The following SIDT1 variants were observed in gnomAD, a reference collection of about 807,000 sequenced individuals.
SIDT1 encodes SID1 transmembrane family member 1, also known as SID1 transmembrane family, member 1.
In SIDT1, 101 loss-of-function variants were observed where a neutral mutation model predicts 107.5. The observed-to-expected ratio is 0.94, with a 90% confidence interval of 0.80 to 1.11. SIDT1 has a LOEUF of 1.11. Ranked by LOEUF, SIDT1 falls within the 50% of genes least tolerant of loss-of-function variation. SIDT1 has a pLI of 0.00. For missense variants in SIDT1, 1,076 were observed against 1,058.2 expected (o/e 1.02, Z -0.23); for synonymous variants, 395 against 398.2 (o/e 0.99, Z 0.10).
At chr3:113,636,489 T>A in the SIDT1 span, among the ~76,000 whole-genome samples, 1 of 152,192 alleles carries the variant, frequency 6.6e-6, no homozygotes, top group Non-Finnish European at 1.5e-5. Context: ...GGATATAACC[T>A]AATTAAACCA....
Position 113,576,547 on chromosome 3 carries a change from T to A in SIDT1, c.516-375T>A, listed in dbSNP as rs149920585. ...ATCCAAAAGGACCTTGAACCTGGGT[T>A]TCCCCTCTCTTTCAGCCCACTTCTG... On this transcript the variant is annotated intron_variant, in intron 3 of 24. Transcript: ENST00000264852. 8.7e-3 allele frequency among the ~76,000 whole-genome samples: 1,322 copies of A among 152,296 alleles called. 97 individuals are homozygous for A. Among genetic ancestry groups the A allele is most frequent in the Admixed American group, 0.081 (1,240 of 15,300 alleles).
At chr3:113,564,542 G>C (rs900936226) in intron 1 of SIDT1, among the ~76,000 whole-genome samples, 1 of 152,136 alleles carries the variant, frequency 6.6e-6, no homozygotes, top group Admixed American at 6.5e-5. Context: ...AGCTATGAGA[G>C]TGTCACTGGG....
chr3:113,579,761 C>T (rs752446485), intron 4 of SIDT1, among the ~76,000 whole-genome samples: 5 of 152,110 alleles, frequency 3.3e-5, no homozygotes, highest in Admixed American at 6.6e-5. Flanking sequence ...GAGCCTGTTT[C>T]GGTTGCTTTT....
chr3:113,608,549 T>G lies in SIDT1; in HGVS notation c.1720+13T>G, dbSNP rs756113426. 6.6e-7 allele frequency: 1 copy of G among 1,512,446 alleles called. No individual in the cohort carries two copies. The highest frequency in any genetic ancestry group is 1.1e-5 in the South Asian group (1 of 89,046). The allele number at this position is 1,512,446 out of a possible 1,614,324, so 93.7% of individuals were successfully genotyped here. ...AACTTCCAATTCGGTAATTAGAACT[T>G]ATATCTACTATACAGATTTGAATCG... is the stretch of plus-strand genomic sequence containing the variant. On this transcript the variant is annotated intron_variant, in intron 17 of 24. Coordinates refer to ENST00000264852, the MANE Select transcript of SIDT1 (RefSeq NM_017699.3).
intron 9 of SIDT1, among the ~76,000 whole-genome samples, chr3:113,587,241 G>A (rs1330800892): frequency 6.6e-6 from 1 of 152,080 alleles, no homozygotes; most frequent in Admixed American, 6.6e-5. Flanking sequence ...ATCTTTATGG[G>A]GAGGTGAGAA....
intron 10 of SIDT1, among the ~76,000 whole-genome samples, chr3:113,599,573 A>G (rs1215159870): frequency 6.6e-6 from 1 of 152,232 alleles, no homozygotes; most frequent in Non-Finnish European, 1.5e-5. Flanking sequence ...TGCCATTTGC[A>G]ACAATATGCC....
intron 9 of SIDT1, among the ~76,000 whole-genome samples, chr3:113,585,680 T>C (rs1943692389): frequency 6.6e-6 from 1 of 152,188 alleles, no homozygotes; most frequent in Non-Finnish European, 1.5e-5. Flanking sequence ...AAAGTAAATG[T>C]AATGCCTAAA....
At chr3:113,573,195 G>C (rs1560056499) in intron 3 of SIDT1, among the ~76,000 whole-genome samples, 1 of 152,170 alleles carries the variant, frequency 6.6e-6, no homozygotes, top group Non-Finnish European at 1.5e-5. Context: ...AAGGGACATA[G>C]TAGGTCAGGA....
At chr3:113,553,714 TG>T (rs1940528780) in intron 1 of SIDT1, among the ~76,000 whole-genome samples, 1 of 152,058 alleles carries the variant, frequency 6.6e-6, no homozygotes, top group Non-Finnish European at 1.5e-5. Context: ...GAGCCAAGAC[TG>T]GGGAAGTCTA....
At chr3:113,566,313 C>A in intron 1 of SIDT1, 107 bp from the exon 2 acceptor site, 1 of 1,152,384 alleles carries the variant, frequency 8.7e-7, no homozygotes, top group South Asian at 1.6e-5. Context: ...CACATGGCAA[C>A]TATGGTGTGT....
At chr3:113,552,380 G>A (rs1053161544) in intron 1 of SIDT1, among the ~76,000 whole-genome samples, 1 of 152,140 alleles carries the variant, frequency 6.6e-6, no homozygotes, top group African/African-American at 2.4e-5. Flanking sequence ...TGTAGACAGG[G>A]AGACTCTAAA....
In SIDT1 at chr3:113,567,638, AT is replaced by A; in HGVS notation, c.444del (p.Asp148GlufsTer15). On this transcript the variant is annotated frameshift_variant, in exon 3 of 25. Transcript: ENST00000264852. LOFTEE classifies it high-confidence loss of function. The stretch of plus-strand genomic sequence containing the variant: ...CCCTTGCAGCAACTGATATTTGTAG[AT>A]GTCGCATCCATGGCACCCCTGGGTG... ...TGPLQQLIFV[D>X]VASMAPLGAQ... 2 of 1,614,110 alleles carry A rather than the reference AT, an allele frequency of 1.2e-6. No individual in the cohort carries two copies. The highest frequency in any genetic ancestry group is 1.7e-6 in the Non-Finnish European group (2 of 1,180,008).
intron 1 of SIDT1, among the ~76,000 whole-genome samples, chr3:113,534,414 C>CA (rs1284280887): frequency 4.6e-5 from 7 of 152,288 alleles, no homozygotes; most frequent in South Asian, 2.1e-4. Context: ...AGTGTGGCAC[C>CA]AAATCCTATG....
downstream of SIDT1, chr3:113,629,663 A>C (rs1947063856): frequency 5.9e-5 from 9 of 152,266 alleles, no homozygotes; most frequent in Admixed American, 5.9e-4. Flanking sequence ...TGAACAACAA[A>C]GTCCATTCAA....
chr3:113,578,258 G>A (rs1050631664), intron 4 of SIDT1, among the ~76,000 whole-genome samples: 2 of 152,220 alleles, frequency 1.3e-5, no homozygotes, highest in Middle Eastern at 3.4e-3. Flanking sequence ...GAGGTCAGGA[G>A]ATCGAGACCA....
intron 1 of SIDT1, among the ~76,000 whole-genome samples, chr3:113,547,385 A>C (rs1394292494): frequency 6.6e-6 from 1 of 152,214 alleles, no homozygotes; most frequent in Non-Finnish European, 1.5e-5. Context: ...AGTGTCATAC[A>C]GCAAATATAA....
At position 113,576,949 on chromosome 3, in the gene SIDT1, C is replaced by T. The variant is rs1472452608; in HGVS notation, c.543C>T (p.Ala181=). The T allele has an allele frequency of 1.9e-6, 3 of 1,614,060 alleles. No homozygotes were observed. The African/African-American group carries it at 4.0e-5, about 22-fold the overall frequency. Residue 181 remains alanine (A), a synonymous_variant, in exon 4 of 25, where the codon GCC becomes GCT. Transcript: ENST00000264852. ...CAAATGTTGCCTTTCACTTTACTGC[C>T]AGCCCCTCTCAACCTCAGGTAAGTG... ...LRTNVAFHFT[A]SPSQPQYFLY...
the SIDT1 span, among the ~76,000 whole-genome samples, chr3:113,636,487 C>T: frequency 1.3e-5 from 2 of 152,142 alleles, no homozygotes; most frequent in Non-Finnish European, 2.9e-5. Flanking sequence ...GGGGATATAA[C>T]CTAATTAAAC....
At chr3:113,612,012 C>G (rs979390229) in intron 18 of SIDT1, 74 bp from the exon 19 acceptor site, 2 of 1,063,604 alleles carry the variant, frequency 1.9e-6, no homozygotes, top group Non-Finnish European at 2.9e-6. Flanking sequence ...CTTACACATA[C>G]AGGAGAGAGG....
Sources: allele counts gnomAD v4.1 joint callset (sites outside exome capture counted in the v4.1 genomes callset), GRCh38; gene constraint gnomAD v4.1.1; transcripts MANE v1.5; gene names NCBI Gene and HGNC (gene_info 2026-07-23, HGNC 2026-07-21).